Variants in USP38 observed in about 807,000 individuals in gnomAD.
USP38 encodes ubiquitin carboxyl-terminal hydrolase 38.
USP38 carries 49 observed loss-of-function variants against 94.3 expected under a neutral mutation model. The ratio of observed to expected loss-of-function variants is 0.52; its 90% CI spans 0.41 to 0.66. The LOEUF is 0.66. Among genes scored for constraint, USP38 ranks in the 30% least tolerant of loss-of-function variants. The pLI is 0.00. For synonymous variants in USP38, 468 were observed against 463.6 expected, an observed-to-expected ratio of 1.01 and a Z score of -0.12; for missense variants, 1,128 against 1,229.4, an observed-to-expected ratio of 0.92 and a Z score of 1.23.
chr4:143,197,185 A>G (rs756532199), intron 3 of USP38, among the ~76,000 whole-genome samples: 1 of 152,188 alleles, frequency 6.6e-6, no homozygotes, highest in Non-Finnish European at 1.5e-5. Context: ...GGCCTTTGCA[A>G]TGCCGTTTGC....
Position 143,203,422 on chromosome 4 carries a change from G to C in USP38, c.1065G>C (p.Val355=). The change falls in exon 5 of 10, where the codon GTG becomes GTC. Residue 355 remains valine, a synonymous_variant. Transcript: ENST00000307017. ...TTTCTTTTCAGATTGTTCCTCATGT[G>C]GTTAATTTGGTTCATTCTTTCAAAA... ...PEAFHLIVPH[V]VNLVHSFKND... 1 of 1,611,230 alleles carries C rather than the reference G, an allele frequency of 6.2e-7. No individual in the cohort carries two copies. The highest frequency in any genetic ancestry group is 8.5e-7 in the Non-Finnish European group (1 of 1,178,706).
At chr4:143,212,788 G>C (rs1211266036) in intron 8 of USP38, among the ~76,000 whole-genome samples, 2 of 152,110 alleles carry the variant, frequency 1.3e-5, no homozygotes, top group African/African-American at 4.8e-5. Context: ...TGAGGCTCCA[G>C]CTGTCTTCTG....
intron 9 of USP38, among the ~76,000 whole-genome samples, chr4:143,216,478 ATT>A (rs34645894): frequency 1.2e-3 from 179 of 144,810 alleles, no homozygotes; most frequent in African/African-American, 4.1e-3. Context: ...TAAATATTCA[ATT>A]TTTTTTTTTT....
Position 143,214,865 on chromosome 4 carries a change from A to T in USP38, c.2889A>T (p.Gly963=). 1 of 1,613,542 alleles carries T rather than the reference A, an allele frequency of 6.2e-7. No homozygotes were observed. The highest frequency in any genetic ancestry group is 1.1e-5 in the South Asian group (1 of 91,062). The change falls in exon 9 of 10, where the codon GGA becomes GGT. Residue 963 remains glycine, a synonymous_variant. Coordinates refer to ENST00000307017, the MANE Select transcript of USP38 (RefSeq NM_032557.6). ...NGLSGNNPTS[G]LWINGDPPLQ... is the part of the protein sequence containing the mutation. The stretch of plus-strand genomic sequence containing the variant: ...TAAGTGGTAATAACCCAACCAGTGG[A>T]CTCTGGATAAATGGAGACCCACCTC...
rs1212354161 is a variant in USP38 at position 143,221,904 on chromosome 4, T to G, written c.*1448T>G. Reference sequence around the variant, plus strand: ...AACCTGTTTCCAATCACCAGGAAGATTAGGAAGGCAGATTAGATTAAAAAC... The same window carrying G: ...AACCTGTTTCCAATCACCAGGAAGAGTAGGAAGGCAGATTAGATTAAAAAC... On this transcript the variant is annotated 3_prime_UTR_variant, in exon 10 of 10. Coordinates refer to ENST00000307017, the MANE Select transcript of USP38 (RefSeq NM_032557.6). 2 of 152,104 alleles carry G rather than the reference T, an allele frequency of 1.3e-5. No individual in the cohort carries two copies. The highest frequency in any genetic ancestry group is 4.8e-5 in the African/African-American group (2 of 41,458). 9.4% of individuals were successfully genotyped at this position (152,104 alleles called of 1,614,324 possible). A position where few individuals can be genotyped will look rare whatever the true frequency, so the allele number is the denominator to read the frequency against.
chr4:143,205,184 T>C (rs574152840), intron 5 of USP38, among the ~76,000 whole-genome samples: 12 of 152,306 alleles, frequency 7.9e-5, no homozygotes, highest in Admixed American at 4.6e-4. Context: ...ATAACTCATA[T>C]AGGCTCAGAA....
chr4:143,204,505 T>C (rs1401893698), intron 5 of USP38: 1 of 418,476 alleles, frequency 2.4e-6, no homozygotes, highest in East Asian at 7.5e-5. Context: ...CCCTCCTGCC[T>C]CAGCCTCCCA....
chr4:143,185,553 G>A lies in USP38; in HGVS notation c.103G>A (p.Glu35Lys). ...GGAATCGGCGGAGCACTGGCTAGACGAGGCGCAGTGCGAGGCCATGTTTGA... is the reference window on the plus strand; with the variant it reads ...GGAATCGGCGGAGCACTGGCTAGACAAGGCGCAGTGCGAGGCCATGTTTGA... ...VVESAEHWLD[E>K]AQCEAMFDLT... The change falls in exon 1 of 10, where the codon GAG becomes AAG. Residue 35 changes from glutamate to lysine, a missense_variant. Coordinates refer to ENST00000307017, the MANE Select transcript of USP38 (RefSeq NM_032557.6). 2 of 1,614,104 alleles carry A rather than the reference G, an allele frequency of 1.2e-6. No homozygotes were observed. The highest frequency in any genetic ancestry group is 8.5e-7 in the Non-Finnish European group (1 of 1,180,008).
At chr4:143,208,544 CTT>C (rs1165376643) in intron 6 of USP38, among the ~76,000 whole-genome samples, 20 of 152,066 alleles carry the variant, frequency 1.3e-4, no homozygotes, top group African/African-American at 4.6e-4. Context: ...AAAAATGTCT[CTT>C]AATTTGCATA....
chr4:143,212,132 A>T (rs1732042583), intron 7 of USP38, among the ~76,000 whole-genome samples, 186 bp from the exon 8 acceptor site: 1 of 152,180 alleles, frequency 6.6e-6, no homozygotes, highest in South Asian at 2.1e-4. Context: ...AGAAGTTATG[A>T]CTAAAGATTA....
Position 143,223,731 on chromosome 4 carries a change from A to G in USP38, c.*3275A>G, listed in dbSNP as rs1376004516. The G allele has an allele frequency of 6.6e-6, 1 of 152,124 alleles. No homozygotes were observed. Among genetic ancestry groups the G allele is most frequent in the Non-Finnish European group, 1.5e-5 (1 of 68,006 alleles). The allele number at this position is 152,124 out of a possible 1,614,324, so 9.4% of individuals were successfully genotyped here. On this transcript the variant is annotated 3_prime_UTR_variant, in exon 10 of 10. Coordinates refer to ENST00000307017, the MANE Select transcript of USP38 (RefSeq NM_032557.6). ...CTTTTCCTATGATTGTGTACTTCAC[A>G]TGATACATTCCATATAAAGAGCTCT... is the stretch of plus-strand genomic sequence containing the variant.
intron 2 of USP38, among the ~76,000 whole-genome samples, chr4:143,189,324 CTGTT>C (rs1731326862): frequency 6.6e-6 from 1 of 151,844 alleles, no homozygotes; most frequent in African/African-American, 2.4e-5. Context: ...TTGTGTCTGT[CTGTT>C]CTTATTTAAT....
intron 2 of USP38, among the ~76,000 whole-genome samples, chr4:143,188,549 G>A (rs1250116732): frequency 6.6e-6 from 1 of 152,070 alleles, no homozygotes; most frequent in East Asian, 1.9e-4. Context: ...TTTGTGAGTA[G>A]TCAGCTTGTC....
intron 6 of USP38, among the ~76,000 whole-genome samples, chr4:143,206,968 G>A (rs921439804): frequency 6.6e-6 from 1 of 152,194 alleles, no homozygotes; most frequent in Non-Finnish European, 1.5e-5. Flanking sequence ...CTGAACACAT[G>A]TATAAACAGA....
chr4:143,194,474 A>G (rs113077211), intron 2 of USP38, among the ~76,000 whole-genome samples: 475 of 151,828 alleles, frequency 3.1e-3, no homozygotes, highest in Middle Eastern at 0.01. Flanking sequence ...AAATAGGACT[A>G]CTAGGTCAAA....
chr4:143,214,749 T>C lies in USP38; in HGVS notation c.2773T>C (p.Ser925Pro), dbSNP rs756699934. The change falls in exon 9 of 10, where the codon TCA (serine) becomes CCA (proline). Residue 925 changes from serine (S) to proline (P), a missense_variant. Physicochemically the swap from Ser to Pro is moderately conservative, Grantham distance 74. Transcript: ENST00000307017. ...TAATGACAGTAGAGTGACATTTACT[T>C]CATTTCAGTCAGTCCAGAAAATTAC... ...LFNDSRVTFT[S>P]FQSVQKITSR... 6.2e-7 allele frequency: 1 copy of C among 1,613,638 alleles called. No homozygotes were observed. Among genetic ancestry groups the C allele is most frequent in the Non-Finnish European group, 8.5e-7 (1 of 1,179,816 alleles).
At chr4:143,204,224 C>T (rs1731796943) in intron 5 of USP38, among the ~76,000 whole-genome samples, 1 of 152,164 alleles carries the variant, frequency 6.6e-6, no homozygotes, top group Non-Finnish European at 1.5e-5. Context: ...AAGTAATCTG[C>T]CTGCCTTGGC....
intron 9 of USP38, among the ~76,000 whole-genome samples, chr4:143,219,951 A>G (rs1041503957): frequency 6.6e-6 from 1 of 152,136 alleles, no homozygotes; most frequent in African/African-American, 2.4e-5. Context: ...TGGAAAGGCC[A>G]GAAAAAAATT....
At chr4:143,199,304 G>A (rs916506564) in intron 4 of USP38, among the ~76,000 whole-genome samples, 2 of 152,028 alleles carry the variant, frequency 1.3e-5, no homozygotes, top group Non-Finnish European at 2.9e-5. Context: ...CCGTGTTCCC[G>A]CAGAAGACAT....
Sources: gnomAD v4.1 joint callset for allele counts (sites outside exome capture counted in the v4.1 genomes callset) on GRCh38, gnomAD v4.1.1 for gene constraint, MANE v1.5 for transcripts, NCBI Gene and HGNC (gene_info 2026-07-23, HGNC 2026-07-21) for gene names.